Variants in PDGFD observed in about 807,000 individuals in gnomAD.
The protein encoded by PDGFD is platelet derived growth factor D.
Under a neutral mutation model 44.7 loss-of-function variants are expected in PDGFD, and 30 were observed. The observed-to-expected ratio is 0.67, with a 90% CI of 0.50 to 0.91. The LOEUF is 0.91. PDGFD is among the 40% of genes least tolerant of loss of function. The pLI is 0.00. For missense variants in PDGFD, 445 were observed against 457.8 expected (o/e 0.97, Z 0.25); for synonymous variants, 173 against 168.4 (o/e 1.03, Z -0.21).
At chr11:104,036,988 G>A (rs114724610) in intron 1 of PDGFD, 1 of 1,614,086 alleles carries the variant, frequency 6.2e-7, no homozygotes, top group African/African-American at 1.3e-5. Flanking sequence ...ACTCCTCATC[G>A]AGGACCACTG....
At chr11:103,954,278 G>A (rs1325953658) in intron 3 of PDGFD, among the ~76,000 whole-genome samples, 1 of 152,156 alleles carries the variant, frequency 6.6e-6, no homozygotes, top group Non-Finnish European at 1.5e-5. Flanking sequence ...ATTCAACCAC[G>A]TACTGAGCAC....
chr11:104,041,861 C>G (rs540364004), intron 1 of PDGFD, among the ~76,000 whole-genome samples: 4 of 152,336 alleles, frequency 2.6e-5, no homozygotes, highest in Non-Finnish European at 2.9e-5. Flanking sequence ...ATAAATTCAT[C>G]TTCACTGCAG....
At chr11:104,106,825 C>T (rs1860641220) in intron 1 of PDGFD, among the ~76,000 whole-genome samples, 1 of 151,494 alleles carries the variant, frequency 6.6e-6, no homozygotes, top group African/African-American at 2.4e-5. Context: ...CTCATTGCAA[C>T]CTCTGCTTCC....
In PDGFD at chr11:104,051,483, CG is replaced by C. The variant is rs149295357; in HGVS notation, c.125-51229del. 7.2e-3 allele frequency among the ~76,000 whole-genome samples: 1,089 copies of C among 152,056 alleles called. 11 individuals are homozygous for C. Among genetic ancestry groups the C allele is most frequent in the African/African-American group, 0.025 (1,026 of 41,448 alleles). Reference sequence around the variant, plus strand: ...AACATATTCCAGAATGATTCCACTACGGGGGTCATACCAACTGCAAGCTTCC... The same window carrying C: ...AACATATTCCAGAATGATTCCACTACGGGGTCATACCAACTGCAAGCTTCC... On this transcript the variant is annotated intron_variant, in intron 1 of 6. Coordinates refer to ENST00000393158, the MANE Select transcript of PDGFD (RefSeq NM_025208.5).
intron 1 of PDGFD, among the ~76,000 whole-genome samples, chr11:104,157,524 C>T (rs1343316334): frequency 1.3e-5 from 2 of 152,178 alleles, no homozygotes; most frequent in African/African-American, 2.4e-5. Context: ...TATATTCACA[C>T]CTGGAAATCT....
chr11:104,161,341 C>T (rs1021231246), intron 1 of PDGFD, among the ~76,000 whole-genome samples: 2 of 152,142 alleles, frequency 1.3e-5, no homozygotes, highest in Admixed American at 6.5e-5. Flanking sequence ...AGAATATTGT[C>T]GTCTTCAATG....
rs369698819 is a variant in PDGFD at position 104,045,684 on chromosome 11, A to G, written c.125-45429T>C. 2.1e-4 allele frequency among the ~76,000 whole-genome samples: 25 copies of G among 119,284 alleles called. 2 individuals carry two copies. In the South Asian group the frequency reaches 5.7e-3, roughly 27 times the overall value. The allele number at this position is 119,284 out of a possible 152,430, so 78.3% of individuals were successfully genotyped here. ...CCTAGGTTTTGAGTTTTTTAAGAGA[A>G]TATTTGAACAAAGGAATAGAAACTT... On this transcript the variant is annotated intron_variant, in intron 1 of 6. Coordinates refer to ENST00000393158, the MANE Select transcript of PDGFD (RefSeq NM_025208.5).
At chr11:104,137,585 G>A (rs1344477744) in intron 1 of PDGFD, among the ~76,000 whole-genome samples, 3 of 152,034 alleles carry the variant, frequency 2.0e-5, no homozygotes, top group South Asian at 2.1e-4. Flanking sequence ...ACAATGTTAC[G>A]GTCGAGTTGA....
chr11:104,144,538 A>AAAAAAAAAAAAAAAAAAAAAACC (rs1565347744), intron 1 of PDGFD, among the ~76,000 whole-genome samples: 1 of 134,230 alleles, frequency 7.4e-6, no homozygotes, highest in African/African-American at 3.1e-5. Flanking sequence ...ACCCAACAAA[A>AAAAAAAAAAAAAAAAAAAAAACC]CAAAACAAAC....
chr11:104,098,393 G>T (rs1198994125), intron 1 of PDGFD, among the ~76,000 whole-genome samples: 1 of 152,008 alleles, frequency 6.6e-6, no homozygotes, highest in African/African-American at 2.4e-5. Context: ...TAAGGGGGAT[G>T]TTTGCTTTAC....
chr11:104,039,646 T>C (rs1179124440), intron 1 of PDGFD, among the ~76,000 whole-genome samples: 1 of 152,172 alleles, frequency 6.6e-6, no homozygotes, highest in Non-Finnish European at 1.5e-5. Flanking sequence ...ATTTCTTTCC[T>C]ACTTTTGTTT....
chr11:104,026,336 T>G (rs773592712), intron 1 of PDGFD, among the ~76,000 whole-genome samples: 1 of 152,256 alleles, frequency 6.6e-6, no homozygotes, highest in South Asian at 2.1e-4. Context: ...TTTTGCACCT[T>G]AAGATCTATT....
At chr11:104,106,833 T>C (rs1861477819) in intron 1 of PDGFD, among the ~76,000 whole-genome samples, 1 of 151,860 alleles carries the variant, frequency 6.6e-6, no homozygotes, top group Non-Finnish European at 1.5e-5. Context: ...AACCTCTGCT[T>C]CCCGAGTTCA....
At chr11:104,037,103 T>C (rs1247496781) in intron 1 of PDGFD, 1 of 1,614,158 alleles carries the variant, frequency 6.2e-7, no homozygotes, top group Admixed American at 1.7e-5. Context: ...CAGCCTCGTG[T>C]AGACTTCAGT....
chr11:103,992,569 T>C (rs1257258840), intron 3 of PDGFD, among the ~76,000 whole-genome samples: 1 of 152,208 alleles, frequency 6.6e-6, no homozygotes, highest in Admixed American at 6.5e-5. Flanking sequence ...CTGCCTTCAA[T>C]CTAAGGTATG....
intron 1 of PDGFD, among the ~76,000 whole-genome samples, chr11:104,006,009 C>T (rs974023724): frequency 3.9e-5 from 6 of 152,070 alleles, no homozygotes; most frequent in Non-Finnish European, 5.9e-5. Flanking sequence ...TTTAAAAAGC[C>T]AAAATGTTAT....
Position 104,164,007 on chromosome 11 carries a change from C to A in PDGFD, c.-80G>T. On this transcript the variant is annotated 5_prime_UTR_variant, in exon 1 of 7. Coordinates refer to ENST00000393158, the MANE Select transcript of PDGFD (RefSeq NM_025208.5). ...CCGGGACCGACGCCGCGCCGCCCTG[C>A]GCTCTCGCCGCCTGCGCTCGCCCTG... 7.1e-7 allele frequency: 1 copy of A among 1,411,872 alleles called. No homozygotes were observed. Among genetic ancestry groups the A allele is most frequent in the Non-Finnish European group, 9.4e-7 (1 of 1,062,236 alleles). The allele number at this position is 1,411,872 out of a possible 1,614,324, so 87.5% of individuals were successfully genotyped here. A position where few individuals can be genotyped will look rare whatever the true frequency, so the allele number is the denominator to read the frequency against.
chr11:104,078,046 C>T (rs1860992072), intron 1 of PDGFD, among the ~76,000 whole-genome samples: 2 of 95,196 alleles, frequency 2.1e-5, no homozygotes, highest in South Asian at 3.4e-4. Context: ...TGGTCCTCAG[C>T]GGCCTTTGAT....
Position 103,923,810 on chromosome 11 carries a change from AT to A in PDGFD, c.987+3101del, listed in dbSNP as rs1373223482. On this transcript the variant is annotated intron_variant, in intron 6 of 6. Transcript: ENST00000393158. ...AGTTACTGGCTGGTGATGGATGTTT[AT>A]TTTTCCTTTCATCCAGCACTTGACA... Among the ~76,000 whole-genome samples the A allele has an allele frequency of 1.6e-4, 25 of 152,080 alleles. 1 individual carries two copies. The highest frequency in any genetic ancestry group is 4.6e-4 in the Admixed American group (7 of 15,254).
Sources: gnomAD v4.1 joint callset for allele counts (sites outside exome capture counted in the v4.1 genomes callset) on GRCh38, gnomAD v4.1.1 for gene constraint, MANE v1.5 for transcripts, NCBI Gene and HGNC (gene_info 2026-07-23, HGNC 2026-07-21) for gene names.